Variants in SF3A3 observed in about 807,000 individuals in gnomAD.
SF3A3 encodes SAP 61.
A neutral mutation model predicts 85.8 loss-of-function variants in SF3A3; 9 were observed. That is an observed-to-expected ratio of 0.10 (90% CI 0.06 to 0.18). SF3A3 has a LOEUF of 0.18. SF3A3 is among the 10% of genes least tolerant of loss of function. SF3A3 has a pLI of 1.00. For missense variants in SF3A3, 306 were observed against 593.3 expected (o/e 0.52, Z 5.03); for synonymous variants, 195 against 204.4 (o/e 0.95, Z 0.39).
chr1:37,961,775 AAAAAAAAAG>A (rs1460911084), intron 15 of SF3A3, among the ~76,000 whole-genome samples: 3 of 144,700 alleles, frequency 2.1e-5, no homozygotes, highest in African/African-American at 7.9e-5. Flanking sequence ...AAAAAAAAAA[AAAAAAAAAG>A]AAAGAAAGAA....
At chr1:37,983,842 G>A (rs1646437436) in intron 6 of SF3A3, among the ~76,000 whole-genome samples, 1 of 151,810 alleles carries the variant, frequency 6.6e-6, no homozygotes, top group Non-Finnish European at 1.5e-5. Context: ...AGAAGGCTAA[G>A]GCAGGAGATC....
intron 2 of SF3A3, 55 bp downstream of exon 2, chr1:37,989,493 C>T (rs1380591567): frequency 6.3e-7 from 1 of 1,587,840 alleles, no homozygotes; most frequent in African/African-American, 1.4e-5. Context: ...CTTCACTTCC[C>T]CTCTCTTTTC....
chr1:37,969,372 G>A lies in SF3A3; in HGVS notation c.1263C>T (p.Ala421=), dbSNP rs1395624581. ...TCCTTACAGCAAAGTGTCGCTGGAAGGCTTTGGGCCCTCGGTAGGTGTAGT... is the reference window on the plus strand; with the variant it reads ...TCCTTACAGCAAAGTGTCGCTGGAAAGCTTTGGGCCCTCGGTAGGTGTAGT... The part of the protein sequence containing the change: ...CGNYTYRGPK[A]FQRHFAEWRH... Residue 421 remains alanine (A), a synonymous_variant, in exon 14 of 17, where the codon GCC becomes GCT. Transcript: ENST00000373019. The A allele has an allele frequency of 1.2e-6, 2 of 1,611,550 alleles. No homozygotes were observed. The highest frequency in any genetic ancestry group is 2.7e-5 in the African/African-American group (2 of 74,996).
chr1:37,985,968 T>TTTTTTG (rs1646453777), intron 4 of SF3A3, among the ~76,000 whole-genome samples: 1 of 149,590 alleles, frequency 6.7e-6, no homozygotes. Flanking sequence ...TTTTTTTTTT[T>TTTTTTG]GACGGAGTCT....
At chr1:37,977,295 AGAACT>A (rs1277437592) in intron 11 of SF3A3, among the ~76,000 whole-genome samples, 2 of 152,234 alleles carry the variant, frequency 1.3e-5, no homozygotes, top group Non-Finnish European at 2.9e-5. Flanking sequence ...TCTGCTACTT[AGAACT>A]ATGAGAGAGT....
At chr1:37,968,237 A>G (rs772854552) in intron 14 of SF3A3, 103 bp from the exon 15 acceptor site, 4 of 731,954 alleles carry the variant, frequency 5.5e-6, no homozygotes, top group Non-Finnish European at 1.0e-5. Flanking sequence ...CCTTTGCAAG[A>G]CTCCACCTAA....
chr1:37,981,270 T>C (rs990544037), intron 7 of SF3A3, among the ~76,000 whole-genome samples: 3 of 152,278 alleles, frequency 2.0e-5, no homozygotes, highest in South Asian at 2.1e-4. Context: ...CTTAATTACT[T>C]TGCACATAAA....
At chr1:37,963,919 T>C (rs550095867) in intron 15 of SF3A3, among the ~76,000 whole-genome samples, 55 of 143,410 alleles carry the variant, frequency 3.8e-4, no homozygotes, top group African/African-American at 1.3e-3. Flanking sequence ...TGGTGGCTCA[T>C]GCCTGTAATC....
At chr1:37,977,052 T>A in intron 11 of SF3A3, 99 bp from the exon 12 acceptor site, 1 of 822,468 alleles carries the variant, frequency 1.2e-6, no homozygotes, top group South Asian at 1.4e-5. Flanking sequence ...CATTAAAAAT[T>A]ATAAGCACAT....
intron 6 of SF3A3, 22 bp downstream of exon 6, chr1:37,984,147 T>A (rs1233720636): frequency 1.4e-6 from 2 of 1,398,514 alleles, no homozygotes; most frequent in Admixed American, 3.5e-5. Flanking sequence ...TCAGAACCTC[T>A]CTGCCCTTTC....
chr1:37,966,935 C>CAAAAAAAA (rs11394683), intron 15 of SF3A3, among the ~76,000 whole-genome samples: 1 of 14,174 alleles, frequency 7.1e-5, no homozygotes, highest in Non-Finnish European at 9.7e-5. Flanking sequence ...AACTCCATCT[C>CAAAAAAAA]AAAAAAAAAA....
chr1:37,978,364 T>C (rs1171050129), intron 11 of SF3A3, among the ~76,000 whole-genome samples: 1 of 149,548 alleles, frequency 6.7e-6, no homozygotes, highest in African/African-American at 2.5e-5. Context: ...AAAAAGAAAA[T>C]ACCTTGTATA....
intron 8 of SF3A3, among the ~76,000 whole-genome samples, 174 bp downstream of exon 8, chr1:37,980,412 G>A (rs1646409654): frequency 1.3e-5 from 2 of 150,930 alleles, no homozygotes; most frequent in East Asian, 1.9e-4. Context: ...CAACAAAAGC[G>A]AAACTCCGTC....
intron 11 of SF3A3, among the ~76,000 whole-genome samples, chr1:37,977,971 T>C (rs1172487931): frequency 3.3e-5 from 5 of 151,922 alleles, no homozygotes; most frequent in Admixed American, 2.0e-4. Flanking sequence ...GAGCCGAGAT[T>C]GTGCCACTGC....
intron 11 of SF3A3, among the ~76,000 whole-genome samples, chr1:37,978,194 C>T (rs1646393083): frequency 6.6e-6 from 1 of 150,484 alleles, no homozygotes; most frequent in Non-Finnish European, 1.5e-5. Flanking sequence ...AAAAAATCAG[C>T]CATGTGTGGT....
intron 15 of SF3A3, among the ~76,000 whole-genome samples, chr1:37,966,868 C>CGG (rs1646303795): frequency 8.6e-6 from 1 of 115,992 alleles, no homozygotes; most frequent in African/African-American, 3.4e-5. Flanking sequence ...CCAGGAGGCA[C>CGG]AGGTTGCAGT....
chr1:37,962,370 A>G (rs1197784964), intron 15 of SF3A3, among the ~76,000 whole-genome samples: 1 of 142,946 alleles, frequency 7.0e-6, no homozygotes, highest in Non-Finnish European at 1.5e-5. Context: ...TTGGGAGGCT[A>G]AGGTGGGCAG....
chr1:37,980,008 A>G (rs1422527983), intron 8 of SF3A3, among the ~76,000 whole-genome samples: 5 of 152,364 alleles, frequency 3.3e-5, no homozygotes, highest in African/African-American at 1.2e-4. Flanking sequence ...GATTCCTAAC[A>G]TATGATCTGA....
chr1:37,970,078 G>A (rs963848583), intron 12 of SF3A3, among the ~76,000 whole-genome samples: 28 of 152,198 alleles, frequency 1.8e-4, no homozygotes, highest in African/African-American at 6.3e-4. Flanking sequence ...GCTGGGGTGG[G>A]AGAATCACTT....
Sources: gnomAD v4.1 joint callset for allele counts (sites outside exome capture counted in the v4.1 genomes callset) on GRCh38, gnomAD v4.1.1 for gene constraint, MANE v1.5 for transcripts, NCBI Gene and HGNC (gene_info 2026-07-23, HGNC 2026-07-21) for gene names.